The following DYNC1H1 variants were observed in gnomAD, a reference collection of about 807,000 sequenced individuals.
The protein encoded by DYNC1H1 is dynein cytoplasmic 1 heavy chain 1.
A neutral mutation model predicts 527.1 loss-of-function variants in DYNC1H1; 51 were observed. The observed-to-expected ratio is 0.10, with a 90% CI of 0.08 to 0.12. DYNC1H1 has a LOEUF of 0.12. Ranked by LOEUF, DYNC1H1 falls within the 10% of genes least tolerant of loss-of-function variation. DYNC1H1 has a pLI of 1.00. For missense variants in DYNC1H1, 2,771 were observed against 5,971.8 expected, an observed-to-expected ratio of 0.46 and a Z score of 17.66; for synonymous variants, 2,189 against 2,278.8, an observed-to-expected ratio of 0.96 and a Z score of 1.12.
In DYNC1H1 at chr14:101,994,199, G is replaced by A; in HGVS notation, c.3031G>A (p.Glu1011Lys). 6.2e-7 allele frequency: 1 copy of A among 1,614,162 alleles called. No individual in the cohort carries two copies. The highest frequency in any genetic ancestry group is 8.5e-7 in the Non-Finnish European group (1 of 1,180,034). Residue 1011 changes from glutamate to lysine, a missense_variant, in exon 12 of 78, where the codon GAA (glutamate) becomes AAA (lysine). Coordinates refer to ENST00000360184, the MANE Select transcript of DYNC1H1 (RefSeq NM_001376.5). ...SQRYQVGVHY[E>K]LTEEEKFYRN... Reference sequence around the variant, plus strand: ...GGTTGGCTAGGTGGGTGTACATTACGAATTGACTGAGGAAGAGAAATTCTA... The same window carrying A: ...GGTTGGCTAGGTGGGTGTACATTACAAATTGACTGAGGAAGAGAAATTCTA...
In DYNC1H1 at chr14:102,010,670, C is replaced by CAGTTA. The variant is rs1347129055; in HGVS notation, c.6406-70_6406-69insAGTTA. 1.9e-6 allele frequency: 3 copies of CAGTTA among 1,594,918 alleles called. No homozygotes were observed. The East Asian group carries it at 6.7e-5, about 36-fold the overall frequency. Reference sequence around the variant, plus strand: ...TTCACCAACAGTTACTGATCACGCACCTCCTGGGGATGCAGCGGGCAGTAC... The same window carrying CAGTTA: ...TTCACCAACAGTTACTGATCACGCACAGTTACTCCTGGGGATGCAGCGGGCAGTAC... On this transcript the variant is annotated intron_variant, in intron 31 of 77. Coordinates refer to ENST00000360184, the MANE Select transcript of DYNC1H1 (RefSeq NM_001376.5). The surrounding 1 kb of genome is among the most constrained non-coding windows in gnomAD (Gnocchi z 6.0).
rs1019927769 is a variant in DYNC1H1, at chr14:102,016,205, C to T, written c.7473+119C>T. On this transcript the variant is annotated intron_variant, in intron 36 of 77. Transcript: ENST00000360184. This position sits in a 1 kb window ranked among gnomAD's most constrained non-coding sequence, Gnocchi z 7.3. ...TCTCTCCTAGGCGAGGCAGAGCCTT[C>T]GTTGAGGGGCTAGGAAAGGTGCAGT... The T allele has an allele frequency of 3.9e-5, 59 of 1,500,284 alleles. No homozygotes were observed. The African/African-American group carries it at 5.3e-4, about 13-fold the overall frequency. The allele number at this position is 1,500,284 out of a possible 1,614,324, so 92.9% of individuals were successfully genotyped here.
chr14:101,965,901 T>C lies in DYNC1H1; in HGVS notation c.256+954T>C, dbSNP rs1424854479. On this transcript the variant is annotated intron_variant, in intron 1 of 77. Coordinates refer to ENST00000360184, the MANE Select transcript of DYNC1H1 (RefSeq NM_001376.5). This position sits in a 1 kb window ranked among gnomAD's most constrained non-coding sequence, Gnocchi z 4.1. ...GTGTTCCAGCTGTCTCCTCAAATAATGATCGCCCACCAGCAAGGTTACATT... is the reference window on the plus strand; with the variant it reads ...GTGTTCCAGCTGTCTCCTCAAATAACGATCGCCCACCAGCAAGGTTACATT... 6.6e-6 allele frequency among the ~76,000 whole-genome samples: 1 copy of C among 151,886 alleles called. No homozygotes were observed. The highest frequency in any genetic ancestry group is 1.5e-5 in the Non-Finnish European group (1 of 68,012).
chr14:102,034,675 C>T (rs967527825), intron 56 of DYNC1H1: 12 of 764,226 alleles, frequency 1.6e-5, no homozygotes, highest in East Asian at 5.5e-5. Flanking sequence ...CTTCTAAAAT[C>T]GATTGGCAGG....
At chr14:102,006,273 C>A in intron 27 of DYNC1H1, 103 bp downstream of exon 27, 4 of 1,532,114 alleles carry the variant, frequency 2.6e-6, no homozygotes, top group Middle Eastern at 2.2e-4. Flanking sequence ...GAGTGTCTGT[C>A]GCCCAGGCTG....
intron 1 of DYNC1H1, among the ~76,000 whole-genome samples, chr14:101,971,571 C>T (rs2047739374): frequency 6.6e-6 from 1 of 151,902 alleles, no homozygotes; most frequent in Non-Finnish European, 1.5e-5. Context: ...TACAAAAATA[C>T]AAAAGTTAGC....
chr14:101,980,024 C>T lies in DYNC1H1; in HGVS notation c.774+50C>T. On this transcript the variant is annotated intron_variant, in intron 4 of 77. Transcript: ENST00000360184. ...TGTAAAATATGTTACTCTTTAATAT[C>T]TTTGGGAAAACTGATCTGGATTTTG... The T allele has an allele frequency of 1.9e-6, 3 of 1,612,542 alleles. No individual in the cohort carries two copies. The South Asian group carries it at 3.3e-5, about 18-fold the overall frequency.
Position 102,011,229 on chromosome 14 carries a change from A to C in DYNC1H1, c.6618+277A>C. ...TATTGGAAAGTTGTTTATACTGATA[A>C]AAATTCTGCTTACCAGACTTTCCAG... On this transcript the variant is annotated intron_variant, in intron 32 of 77. Transcript: ENST00000360184. The surrounding 1 kb of genome is among the most constrained non-coding windows in gnomAD (Gnocchi z 5.3). 2.1e-6 allele frequency: 1 copy of C among 472,102 alleles called. No homozygotes were observed. Among genetic ancestry groups the C allele is most frequent in the South Asian group, 2.1e-5 (1 of 47,978 alleles). The allele number at this position is 472,102 out of a possible 1,614,324, so 29.2% of individuals were successfully genotyped here. A position where few individuals can be genotyped will look rare whatever the true frequency, so the allele number is the denominator to read the frequency against.
Position 102,010,680 on chromosome 14 carries a change from A to T in DYNC1H1, c.6406-60A>T. ...GTTACTGATCACGCACCTCCTGGGG[A>T]TGCAGCGGGCAGTACTTGAGCCATG... On this transcript the variant is annotated intron_variant, in intron 31 of 77. Transcript: ENST00000360184. The surrounding 1 kb of genome is among the most constrained non-coding windows in gnomAD (Gnocchi z 6.0). 6.2e-7 allele frequency: 1 copy of T among 1,601,306 alleles called. No homozygotes were observed. Among genetic ancestry groups the T allele is most frequent in the Non-Finnish European group, 8.5e-7 (1 of 1,170,766 alleles).
chr14:102,015,708 A>G lies in DYNC1H1; in HGVS notation c.7243-148A>G, dbSNP rs17512446. The G allele has an allele frequency of 1.9e-4, 178 of 914,080 alleles. 1 individual carries two copies. In the East Asian group the frequency reaches 4.6e-3, roughly 24 times the overall value. The allele number at this position is 914,080 out of a possible 1,614,324, so 56.6% of individuals were successfully genotyped here. A position where few individuals can be genotyped will look rare whatever the true frequency, so the allele number is the denominator to read the frequency against. ...GGAAGCAGGGTTTTTGAGAACCACC[A>G]GGGTGAAGGAATGAGGACTGGTCAT... On this transcript the variant is annotated intron_variant, in intron 35 of 77. Transcript: ENST00000360184. This position sits in a 1 kb window ranked among gnomAD's most constrained non-coding sequence, Gnocchi z 6.9.
Position 101,984,932 on chromosome 14 carries a change from CAAAAAAAAAAAAAA to C in DYNC1H1, c.1462-743_1462-730del, listed in dbSNP as rs773102943. On this transcript the variant is annotated intron_variant, in intron 7 of 77. Coordinates refer to ENST00000360184, the MANE Select transcript of DYNC1H1 (RefSeq NM_001376.5). ...TGGGCAACAGAGGGAGGCTCCGTCT[CAAAAAAAAAAAAAA>C]AAAAAAAAAAAGGAAAAGAAATAGG... 1.2e-4 allele frequency among the ~76,000 whole-genome samples: 5 copies of C among 40,164 alleles called. No individual in the cohort carries two copies. The South Asian group carries it at 3.3e-3, about 26-fold the overall frequency. 26.3% of individuals were successfully genotyped at this position (40,164 alleles called of 152,430 possible).
Position 102,018,177 on chromosome 14 carries a change from C to T in DYNC1H1, c.8178-274C>T, listed in dbSNP as rs1043136833. Reference sequence around the variant, plus strand: ...CTTGGTAGTGATGAACTGCTCCAGACTCATCTGTAGAGCCAAGATGAGCCT... The same window carrying T: ...CTTGGTAGTGATGAACTGCTCCAGATTCATCTGTAGAGCCAAGATGAGCCT... On this transcript the variant is annotated intron_variant, in intron 40 of 77. Transcript: ENST00000360184. This position sits in a 1 kb window ranked among gnomAD's most constrained non-coding sequence, Gnocchi z 5.2. Among the ~76,000 whole-genome samples, 1 of 152,204 alleles carries T rather than the reference C, an allele frequency of 6.6e-6. No homozygotes were observed. The highest frequency in any genetic ancestry group is 2.4e-5 in the African/African-American group (1 of 41,446).
rs764473011 is a variant in DYNC1H1 at position 102,042,539 on chromosome 14, G to T, written c.12399+32G>T. ...GGTTGAAGGAGTGGAGACGTTGCAG[G>T]CTGGCCTGGCACTGTGCTGTCGGCA... On this transcript the variant is annotated intron_variant, in intron 68 of 77. Transcript: ENST00000360184. The surrounding 1 kb of genome is among the most constrained non-coding windows in gnomAD (Gnocchi z 5.7). The T allele has an allele frequency of 1.1e-5, 18 of 1,614,038 alleles. No individual in the cohort carries two copies. The highest frequency in any genetic ancestry group is 1.5e-5 in the Non-Finnish European group (18 of 1,179,970).
At position 102,044,171 on chromosome 14, in the gene DYNC1H1, AG is replaced by A. The variant is rs1344805050; in HGVS notation, c.12685-102del. 185 of 1,583,418 alleles carry A rather than the reference AG, an allele frequency of 1.2e-4. No individual in the cohort carries two copies. In the East Asian group the frequency reaches 4.0e-3, roughly 35 times the overall value. Reference sequence around the variant, plus strand: ...TGACCCCTCGTGACCGCCAAAGCCTAGCTGGCCATGGGGAGTGAGGAGGAAA... The same window carrying A: ...TGACCCCTCGTGACCGCCAAAGCCTACTGGCCATGGGGAGTGAGGAGGAAA... On this transcript the variant is annotated intron_variant, in intron 70 of 77. Coordinates refer to ENST00000360184, the MANE Select transcript of DYNC1H1 (RefSeq NM_001376.5). The surrounding 1 kb of genome is among the most constrained non-coding windows in gnomAD (Gnocchi z 7.1).
chr14:102,010,638 C>G lies in DYNC1H1; in HGVS notation c.6406-102C>G. 6.5e-7 allele frequency: 1 copy of G among 1,543,824 alleles called. No individual in the cohort carries two copies. The highest frequency in any genetic ancestry group is 1.1e-5 in the South Asian group (1 of 87,590). On this transcript the variant is annotated intron_variant, in intron 31 of 77. Transcript: ENST00000360184. The surrounding 1 kb of genome is among the most constrained non-coding windows in gnomAD (Gnocchi z 6.0). ...CGAATGTGGGCGAGTGGTGCTCGCA[C>G]CCTTTGTTCACCAACAGTTACTGAT...
intron 1 of DYNC1H1, among the ~76,000 whole-genome samples, chr14:101,967,485 A>G (rs79979502): frequency 0.013 from 1,985 of 152,294 alleles, 18 homozygotes; most frequent in Middle Eastern, 0.034. Flanking sequence ...GAAACTATAT[A>G]TATTTTTTAT....
rs537556138 is a variant in DYNC1H1 at position 102,002,180 on chromosome 14, G to T, written c.4543-357G>T. Among the ~76,000 whole-genome samples, 1 of 150,628 alleles carries T rather than the reference G, an allele frequency of 6.6e-6. No individual in the cohort carries two copies. Among genetic ancestry groups the T allele is most frequent in the Non-Finnish European group, 1.5e-5 (1 of 67,794 alleles). ...GGCTGGAGTGCAATGGCACGATCTC[G>T]GCTCACTGCAACCTCTGCCTCCCGG... On this transcript the variant is annotated intron_variant, in intron 21 of 77. Transcript: ENST00000360184. This position sits in a 1 kb window ranked among gnomAD's most constrained non-coding sequence, Gnocchi z 4.4.
In DYNC1H1 at chr14:102,050,618, C is replaced by T; in HGVS notation, c.*55C>T. ...TGAAAGTTGGTATTTAACATTTATT[C>T]ATTTTTAAAATATTTGGAAGGTCTG... On this transcript the variant is annotated 3_prime_UTR_variant, in exon 78 of 78. Transcript: ENST00000360184. 1.2e-6 allele frequency: 2 copies of T among 1,613,250 alleles called. No individual in the cohort carries two copies. Among genetic ancestry groups the T allele is most frequent in the Non-Finnish European group, 1.7e-6 (2 of 1,179,454 alleles).
rs368260857 is a variant in DYNC1H1, at chr14:102,000,182, C to T, written c.3960+38C>T. The T allele has an allele frequency of 1.2e-5, 20 of 1,613,998 alleles. No homozygotes were observed. The African/African-American group carries it at 2.3e-4, about 18-fold the overall frequency. ...GGGGAGTGGGTGGAGAATCCCGCTCCCCACCCGGACTCTGCCATTGACTTT... is the reference window on the plus strand; with the variant it reads ...GGGGAGTGGGTGGAGAATCCCGCTCTCCACCCGGACTCTGCCATTGACTTT... On this transcript the variant is annotated intron_variant, in intron 17 of 77. Coordinates refer to ENST00000360184, the MANE Select transcript of DYNC1H1 (RefSeq NM_001376.5).
Sources: allele counts gnomAD v4.1 joint callset (sites outside exome capture counted in the v4.1 genomes callset), GRCh38; gene constraint gnomAD v4.1.1; non-coding constraint Gnocchi (gnomAD v3.1); transcripts MANE v1.5; gene names NCBI Gene and HGNC (gene_info 2026-07-23, HGNC 2026-07-21).